The following COL5A2 variants were observed in gnomAD, a reference collection of about 807,000 sequenced individuals.
The protein encoded by COL5A2 is collagen alpha-2(V) chain.
Under a neutral mutation model 208.2 loss-of-function variants are expected in COL5A2, and 23 were observed. That is an observed-to-expected ratio of 0.11 (90% confidence interval 0.08 to 0.16). The LOEUF (loss-of-function observed/expected upper bound fraction) is 0.16, where lower values mean the gene tolerates loss of function less well. COL5A2 is among the 10% of genes least tolerant of loss of function. The pLI is 1.00. For missense variants in COL5A2, 1,590 were observed against 1,956.4 expected, an observed-to-expected ratio of 0.81 and a Z score of 3.53; for synonymous variants, 625 against 628.5, an observed-to-expected ratio of 0.99 and a Z score of 0.08.
chr2:189,296,571 G>A, the COL5A2 span, among the ~76,000 whole-genome samples: 2 of 152,210 alleles, frequency 1.3e-5, no homozygotes, highest in Non-Finnish European at 2.9e-5. Context: ...TTCCTCTGAA[G>A]AGTGTTAGTT....
At chr2:189,237,668 T>G in the COL5A2 span, among the ~76,000 whole-genome samples, 1 of 151,946 alleles carries the variant, frequency 6.6e-6, no homozygotes, top group African/African-American at 2.4e-5. Flanking sequence ...TGGCAATATA[T>G]CCAACCACTA....
At chr2:189,330,153 T>C in the COL5A2 span, among the ~76,000 whole-genome samples, 15 of 152,146 alleles carry the variant, frequency 9.9e-5, no homozygotes, top group African/African-American at 3.1e-4. Flanking sequence ...GTCAATAGTG[T>C]AGCAAACGGC....
the COL5A2 span, among the ~76,000 whole-genome samples, chr2:189,338,190 T>G: frequency 1.3e-5 from 2 of 152,198 alleles, no homozygotes; most frequent in Non-Finnish European, 2.9e-5. Flanking sequence ...ATTCTTGGCA[T>G]AGTCCCCCTT....
the COL5A2 span, among the ~76,000 whole-genome samples, chr2:189,317,895 T>C: frequency 6.6e-6 from 1 of 152,208 alleles, no homozygotes; most frequent in African/African-American, 2.4e-5. Flanking sequence ...CAAAATTATT[T>C]GACTGACCAA....
chr2:189,176,093 G>T (rs374448622), intron 1 of COL5A2, among the ~76,000 whole-genome samples: 1 of 151,746 alleles, frequency 6.6e-6, no homozygotes, highest in South Asian at 2.1e-4. Context: ...TTTTTGTATC[G>T]TAACAATGAG....
upstream of COL5A2, among the ~76,000 whole-genome samples, chr2:189,227,956 A>G (rs1386561734): frequency 2.6e-5 from 4 of 152,140 alleles, no homozygotes; most frequent in South Asian, 2.1e-4. Context: ...TAACTAATTT[A>G]TAAGATTGAA....
chr2:189,328,494 G>A, the COL5A2 span, among the ~76,000 whole-genome samples: 1 of 152,126 alleles, frequency 6.6e-6, no homozygotes, highest in Admixed American at 6.5e-5. Context: ...GAAAACAAAG[G>A]TCAGGAGATA....
At position 189,125,124 on chromosome 2, in the gene COL5A2, T is replaced by A. The variant is rs554937508; in HGVS notation, c.98-14675A>T. ...TTTATTATGAACTCAACCAAACTTT[T>A]CATGACTGGACCATATTATCAAATG... On this transcript the variant is annotated intron_variant, in intron 1 of 53. Transcript: ENST00000374866. Among the ~76,000 whole-genome samples, 8 of 152,252 alleles carry A rather than the reference T, an allele frequency of 5.3e-5. No homozygotes were observed. In the South Asian group the frequency reaches 1.7e-3, roughly 32 times the overall value.
At chr2:189,237,210 T>C in the COL5A2 span, among the ~76,000 whole-genome samples, 2 of 151,744 alleles carry the variant, frequency 1.3e-5, no homozygotes, top group East Asian at 3.9e-4. Context: ...CCAGTTGCAA[T>C]TGTTTTTTTA....
chr2:189,070,192 T>C (rs1409224591), intron 18 of COL5A2, among the ~76,000 whole-genome samples: 1 of 152,206 alleles, frequency 6.6e-6, no homozygotes. Flanking sequence ...TCATCTGAAA[T>C]TCAAACTTAA....
intron 1 of COL5A2, among the ~76,000 whole-genome samples, chr2:189,158,054 A>G (rs1363237892): frequency 6.6e-6 from 1 of 151,968 alleles, no homozygotes; most frequent in East Asian, 1.9e-4. Context: ...AGGTCCAATA[A>G]ATATTTTCTG....
At chr2:189,039,238 CG>C (rs768487181) in intron 51 of COL5A2, 33 bp downstream of exon 51, 153 of 1,611,666 alleles carry the variant, frequency 9.5e-5, no homozygotes, top group Non-Finnish European at 1.2e-4. Flanking sequence ...TCAGAAACAA[CG>C]GGTTTTGCTC....
At chr2:189,326,276 T>G in the COL5A2 span, among the ~76,000 whole-genome samples, 1 of 152,114 alleles carries the variant, frequency 6.6e-6, no homozygotes, top group East Asian at 1.9e-4. Context: ...GCAATTCAAT[T>G]AATAATTTAT....
chr2:189,034,466 GC>G (rs1469839547), intron 53 of COL5A2, among the ~76,000 whole-genome samples: 1 of 152,062 alleles, frequency 6.6e-6, no homozygotes, highest in African/African-American at 2.4e-5. Context: ...AATTATGAAA[GC>G]TTTTTTGTTT....
intron 17 of COL5A2, 36 bp from the exon 18 acceptor site, chr2:189,072,129 A>G: frequency 1.4e-6 from 2 of 1,458,794 alleles, no homozygotes; most frequent in Non-Finnish European, 1.9e-6. Flanking sequence ...TCAGACATGT[A>G]TTCAATTAGT....
At chr2:189,115,883 A>G (rs1687379345) in intron 1 of COL5A2, among the ~76,000 whole-genome samples, 1 of 152,206 alleles carries the variant, frequency 6.6e-6, no homozygotes, top group Non-Finnish European at 1.5e-5. Context: ...ATCTTTCCAG[A>G]GAGGATGTGC....
At chr2:189,331,785 C>A in the COL5A2 span, among the ~76,000 whole-genome samples, 4 of 151,898 alleles carry the variant, frequency 2.6e-5, no homozygotes, top group South Asian at 8.4e-4. Flanking sequence ...CCCATCTCTA[C>A]TAAAAATACA....
At chr2:189,070,584 A>G (rs1686252739) in intron 18 of COL5A2, among the ~76,000 whole-genome samples, 1 of 152,216 alleles carries the variant, frequency 6.6e-6, no homozygotes, top group Admixed American at 6.5e-5. Flanking sequence ...AGGAGAGAGA[A>G]GTAACCAGAG....
At chr2:189,325,648 A>G in the COL5A2 span, among the ~76,000 whole-genome samples, 1 of 152,130 alleles carries the variant, frequency 6.6e-6, no homozygotes, top group African/African-American at 2.4e-5. Flanking sequence ...ATTTGAGAGT[A>G]TTTCTCTCAT....
Sources: gnomAD v4.1 joint callset for allele counts (sites outside exome capture counted in the v4.1 genomes callset) on GRCh38, gnomAD v4.1.1 for gene constraint, MANE v1.5 for transcripts, NCBI Gene and HGNC (gene_info 2026-07-23, HGNC 2026-07-21) for gene names.